GSDMA: variants seen among roughly 807,000 people sequenced by gnomAD.
GSDMA encodes the protein gasdermin A, also known as gasdermin-A.
Under a neutral mutation model 54.3 loss-of-function variants are expected in GSDMA, and 55 were observed. The observed-to-expected ratio is 1.01, with a 90% CI of 0.82 to 1.27. The LOEUF is 1.27. Ranked by LOEUF, GSDMA falls within the 50% of genes most tolerant of loss-of-function variation. The probability of loss-of-function intolerance (pLI) is 0.00; values close to 1 mark genes in which losing one functional copy is unlikely to be tolerated. For missense variants in GSDMA, 542 were observed against 542.6 expected, an observed-to-expected ratio of 1.00 and a Z score of 0.01; for synonymous variants, 211 against 224.7, an observed-to-expected ratio of 0.94 and a Z score of 0.54.
chr17:39,965,352 G>T (rs1979599800), intron 1 of GSDMA, among the ~76,000 whole-genome samples: 1 of 151,860 alleles, frequency 6.6e-6, no homozygotes, highest in Admixed American at 6.6e-5. Flanking sequence ...AGAAAGAAAA[G>T]AAGTGCTCCA....
intron 6 of GSDMA, 92 bp downstream of exon 6, chr17:39,972,268 T>A: frequency 1.1e-6 from 1 of 899,218 alleles, no homozygotes; most frequent in Non-Finnish European, 1.8e-6. Flanking sequence ...GCTTATACTA[T>A]AATCCCCCAA....
At chr17:39,969,892 A>G (rs1041236568) in intron 3 of GSDMA, among the ~76,000 whole-genome samples, 2 of 21,700 alleles carry the variant, frequency 9.2e-5, no homozygotes, top group Non-Finnish European at 1.6e-4. Context: ...ATATTTGCCA[A>G]TGAAATGAAG....
At chr17:39,976,251 A>G (rs1209289569) in intron 11 of GSDMA, among the ~76,000 whole-genome samples, 1 of 150,946 alleles carries the variant, frequency 6.6e-6, no homozygotes, top group African/African-American at 2.4e-5. Flanking sequence ...GGCTTTGCTT[A>G]TTCCTAGCCA....
Position 39,974,307 on chromosome 17 carries a change from A to G in GSDMA, c.786A>G (p.Glu262=). The change falls in exon 9 of 12, where the codon GAA becomes GAG. Residue 262 remains glutamate (E), a synonymous_variant. Transcript: ENST00000301659. The part of the protein sequence containing the change: ...DVHEGFRTLK[E]EVQRETQQVE... ...ACGAAGGCTTCAGGACACTAAAAGA[A>G]GAAGTTCAGAGAGAGACCCAACAAG... is the stretch of plus-strand genomic sequence containing the variant. 1 of 1,611,380 alleles carries G rather than the reference A, an allele frequency of 6.2e-7. No homozygotes were observed. Among genetic ancestry groups the G allele is most frequent in the Non-Finnish European group, 8.5e-7 (1 of 1,178,878 alleles).
chr17:39,966,396 A>G lies in GSDMA; in HGVS notation c.351A>G (p.Thr117=), dbSNP rs1317421825. 1 of 1,613,030 alleles carries G rather than the reference A, an allele frequency of 6.2e-7. No homozygotes were observed. Among genetic ancestry groups the G allele is most frequent in the Non-Finnish European group, 8.5e-7 (1 of 1,179,612 alleles). ...LSQNSTLEVQ[T]LSVAPKALET... Reference sequence around the variant, plus strand: ...AGAACAGCACTCTGGAGGTCCAGACACTCAGTGTGGCTCCCAAGGCCCTGG... The same window carrying G: ...AGAACAGCACTCTGGAGGTCCAGACGCTCAGTGTGGCTCCCAAGGCCCTGG... The change falls in exon 3 of 12, where the codon ACA becomes ACG. Residue 117 remains threonine (T), a synonymous_variant. Coordinates refer to ENST00000301659, the MANE Select transcript of GSDMA (RefSeq NM_178171.5).
At chr17:39,965,626 G>C (rs1676773999) in intron 1 of GSDMA, 57 bp from the exon 2 acceptor site, 3 of 1,343,858 alleles carry the variant, frequency 2.2e-6, no homozygotes, top group Non-Finnish European at 3.1e-6. Context: ...TATATCCCGG[G>C]CTCCTTGGCA....
rs1189287153 is a variant in GSDMA at position 39,974,332 on chromosome 17, G to C, written c.811G>C (p.Val271Leu). The change falls in exon 9 of 12, where the codon GTG becomes CTG. Residue 271 changes from valine (V) to leucine (L), a missense_variant. By Grantham distance (32) the Val-to-Leu change is conservative. Coordinates refer to ENST00000301659, the MANE Select transcript of GSDMA (RefSeq NM_178171.5). Reference sequence around the variant, plus strand: ...AGAAGTTCAGAGAGAGACCCAACAAGTGGAGAAGCTGAGCCGAGTAGGGCA... The same window carrying C: ...AGAAGTTCAGAGAGAGACCCAACAACTGGAGAAGCTGAGCCGAGTAGGGCA... ...KEEVQRETQQ[V>L]EKLSRVGQSS... The C allele has an allele frequency of 4.3e-6, 7 of 1,610,070 alleles. No homozygotes were observed. The highest frequency in any genetic ancestry group is 1.1e-5 in the South Asian group (1 of 90,056).
intron 3 of GSDMA, among the ~76,000 whole-genome samples, chr17:39,969,180 C>T (rs1979812952): frequency 6.6e-6 from 1 of 151,636 alleles, no homozygotes; most frequent in Admixed American, 6.6e-5. Context: ...AGTGAAACCC[C>T]CATCTCCACA....
chr17:39,971,928 GA>G (rs74727658), intron 5 of GSDMA, among the ~76,000 whole-genome samples, 200 bp from the exon 6 acceptor site: 50,978 of 152,068 alleles, frequency 0.34, 8,809 homozygotes, highest in Middle Eastern at 0.48. Flanking sequence ...ATGGATGATA[GA>G]AAGTAGTGTT....
In GSDMA at chr17:39,972,142, C is replaced by A. The variant is rs201804660; in HGVS notation, c.669C>A (p.Ile223=). 6 of 977,192 alleles carry A rather than the reference C, an allele frequency of 6.1e-6. No individual in the cohort carries two copies. In the African/African-American group the frequency reaches 8.8e-5, roughly 14 times the overall value. 60.5% of individuals were successfully genotyped at this position (977,192 alleles called of 1,614,324 possible). The change falls in exon 6 of 12, where the codon ATC becomes ATA. Residue 223 remains isoleucine (I), a synonymous_variant. Transcript: ENST00000301659. ...TGCCCTTCACAGATATTCCACATAT[C>A]TGCAATGATAACATGCAAACCTTCC... The part of the protein sequence containing the change: ...KGKDEWDIPH[I]CNDNMQTFPP...
chr17:39,964,266 G>T (rs1371635762), intron 1 of GSDMA, among the ~76,000 whole-genome samples: 1 of 152,112 alleles, frequency 6.6e-6, no homozygotes, highest in African/African-American at 2.4e-5. Context: ...AAGGTGAAGA[G>T]CATCAAAATG....
chr17:39,967,030 A>G (rs536714341), intron 3 of GSDMA, among the ~76,000 whole-genome samples: 2 of 152,266 alleles, frequency 1.3e-5, no homozygotes, highest in East Asian at 1.9e-4. Context: ...ACTTTTAAGT[A>G]GTTAAGTAGT....
At position 39,974,930 on chromosome 17, in the gene GSDMA, G is replaced by C. The variant is rs1242596521; in HGVS notation, c.937G>C (p.Val313Leu). The stretch of plus-strand genomic sequence containing the variant: ...AGGGGCTCTAGACAAGGGACATGAA[G>C]TGACCCTGGAGGCACTCCCAAAAGA... ...LEGALDKGHE[V>L]TLEALPKDVL... Residue 313 changes from valine to leucine, a missense_variant, in exon 10 of 12, where the codon GTG becomes CTG. By Grantham distance (32) the Val-to-Leu change is conservative (BLOSUM62 1). Transcript: ENST00000301659. 6.2e-7 allele frequency: 1 copy of C among 1,611,470 alleles called. No homozygotes were observed. The highest frequency in any genetic ancestry group is 1.7e-5 in the Admixed American group (1 of 59,504).
At position 39,976,936 on chromosome 17, in the gene GSDMA, C is replaced by T. The variant is rs1980226058; in HGVS notation, c.1216C>T (p.Leu406=). The change falls in exon 12 of 12, where the codon CTG becomes TTG. Residue 406 remains leucine (L), a synonymous_variant. Transcript: ENST00000301659. ...ELTLTEALVG[L]SGLEVQRSGP... is the part of the protein sequence containing the mutation. ...GACCCTCACGGAGGCTCTAGTCGGG[C>T]TGAGTGGCCTGGAAGTGCAGAGATC... 1 of 1,613,902 alleles carries T rather than the reference C, an allele frequency of 6.2e-7. No homozygotes were observed.
chr17:39,970,647 G>C lies in GSDMA; in HGVS notation c.558G>C (p.Gln186His). The change falls in exon 4 of 12, where the codon CAG becomes CAC. Residue 186 changes from glutamine (Q) to histidine (H), a missense_variant and splice_region_variant. Transcript: ENST00000301659. ...SLPFFAPLGL[Q>H]GSINHKEAVT... Reference sequence around the variant, plus strand: ...CCTTCTTCGCCCCATTGGGGCTACAGGTTTGATTCAAACACACACACACAC... The same window carrying C: ...CCTTCTTCGCCCCATTGGGGCTACACGTTTGATTCAAACACACACACACAC... The C allele has an allele frequency of 2.0e-6, 3 of 1,514,164 alleles. No individual in the cohort carries two copies. The highest frequency in any genetic ancestry group is 2.6e-6 in the Non-Finnish European group (3 of 1,133,116). The allele number at this position is 1,514,164 out of a possible 1,614,324, so 93.8% of individuals were successfully genotyped here.
At chr17:39,973,309 G>C (rs950033534) in intron 7 of GSDMA, among the ~76,000 whole-genome samples, 9 of 139,974 alleles carry the variant, frequency 6.4e-5, no homozygotes, top group African/African-American at 2.4e-4. Flanking sequence ...TCATTCTGTT[G>C]CCCAGACTGG....
At chr17:39,970,138 GA>G (rs1471898994) in intron 3 of GSDMA, among the ~76,000 whole-genome samples, 13 of 152,064 alleles carry the variant, frequency 8.5e-5, no homozygotes, top group Middle Eastern at 3.4e-3. Flanking sequence ...GGGGAGGAAA[GA>G]GGGGGGGAGC....
chr17:39,972,565 T>G (rs746186182), intron 6 of GSDMA, 22 bp from the exon 7 acceptor site: 7 of 1,611,814 alleles, frequency 4.3e-6, no homozygotes, highest in African/African-American at 4.0e-5. Flanking sequence ...TGCTGACAGA[T>G]GTGCATTTTT....
At position 39,966,449 on chromosome 17, in the gene GSDMA, C is replaced by T. The variant is rs949354148; in HGVS notation, c.392+12C>T. The T allele has an allele frequency of 1.7e-5, 27 of 1,584,590 alleles. No homozygotes were observed. Among genetic ancestry groups the T allele is most frequent in the Admixed American group, 1.5e-4 (8 of 52,308 alleles). ...ACCGTGCAGGAGAGGTGAGAGTGGG[C>T]GGGACTGAGGGTCTCCCGGGATGTG... On this transcript the variant is annotated intron_variant, in intron 3 of 11. Transcript: ENST00000301659.
Sources: gnomAD v4.1 joint callset for allele counts (sites outside exome capture counted in the v4.1 genomes callset) on GRCh38, gnomAD v4.1.1 for gene constraint, MANE v1.5 for transcripts, NCBI Gene and HGNC (gene_info 2026-07-23, HGNC 2026-07-21) for gene names.